Variants in PAH observed in about 807,000 individuals in gnomAD.
PAH encodes phenylalanine-4-hydroxylase.
PAH carries 64 observed loss-of-function variants against 62.0 expected under a neutral mutation model. The ratio of observed to expected loss-of-function variants is 1.03; its 90% CI spans 0.84 to 1.27. The LOEUF (loss-of-function observed/expected upper bound fraction) is 1.27, where lower values mean the gene tolerates loss of function less well. PAH is among the 50% of genes most tolerant of loss of function. The probability of loss-of-function intolerance (pLI) is 0.00; values close to 1 mark genes in which losing one functional copy is unlikely to be tolerated. For missense variants in PAH, 579 were observed against 542.8 expected (o/e 1.07, Z -0.66); for synonymous variants, 195 against 196.2 (o/e 0.99, Z 0.05).
At chr12:102,881,395 C>G (rs1876807712) in intron 3 of PAH, among the ~76,000 whole-genome samples, 1 of 151,984 alleles carries the variant, frequency 6.6e-6, no homozygotes, top group South Asian at 2.1e-4. Flanking sequence ...ATGCATACAT[C>G]ATGGTTACCA....
chr12:102,844,279 A>G, intron 10 of PAH, 57 bp downstream of exon 10: 1 of 1,207,524 alleles, frequency 8.3e-7, no homozygotes, highest in Non-Finnish European at 1.2e-6. Flanking sequence ...AAGCACAATA[A>G]TGGTTTTCTG....
At chr12:102,908,391 G>A (rs1207766440) in intron 2 of PAH, among the ~76,000 whole-genome samples, 1 of 152,146 alleles carries the variant, frequency 6.6e-6, no homozygotes, top group Non-Finnish European at 1.5e-5. Context: ...ACCTCTCAAG[G>A]AGAAAATGCT....
chr12:102,932,320 C>T (rs547110060), intron 1 of PAH, among the ~76,000 whole-genome samples: 48 of 152,156 alleles, frequency 3.2e-4, no homozygotes, highest in Non-Finnish European at 5.7e-4. Flanking sequence ...AAGTTAACAA[C>T]CATGATTATG....
chr12:102,913,235 A>G (rs1878270376), intron 1 of PAH, among the ~76,000 whole-genome samples: 1 of 152,212 alleles, frequency 6.6e-6, no homozygotes, highest in African/African-American at 2.4e-5. Flanking sequence ...TTAAAGATGA[A>G]TAAGACAATG....
At chr12:102,953,855 A>T (rs1307219275), upstream of PAH, 1 of 152,288 alleles carries the variant, frequency 6.6e-6, no homozygotes, top group African/African-American at 2.4e-5. Flanking sequence ...GGAAAAAGTG[A>T]AAAGGCAATC....
At chr12:102,879,077 G>A (rs780667930) in intron 3 of PAH, among the ~76,000 whole-genome samples, 6 of 152,060 alleles carry the variant, frequency 3.9e-5, no homozygotes, top group Non-Finnish European at 7.4e-5. Context: ...CTTAGAATCC[G>A]GGTTCCATCT....
At chr12:102,874,133 TA>T (rs776097475) in intron 4 of PAH, among the ~76,000 whole-genome samples, 2 of 152,184 alleles carry the variant, frequency 1.3e-5, no homozygotes, top group Non-Finnish European at 2.9e-5. Flanking sequence ...AGGAAGGCTT[TA>T]GGGAGGCAAC....
chr12:102,958,178 C>A, intron 1 of PAH: 2 of 1,276,704 alleles, frequency 1.6e-6, no homozygotes, highest in South Asian at 1.8e-5. Flanking sequence ...TCTGTGTCCC[C>A]CTCGCGGGCC....
chr12:102,958,346 G>T (rs931355471), exon 1 of PAH: 4 of 1,435,444 alleles, frequency 2.8e-6, no homozygotes, highest in Middle Eastern at 2.4e-4. Context: ...TCTTTGCCAC[G>T]GCCGCAGCCG....
At chr12:102,921,530 T>C (rs1878551851), upstream of PAH, among the ~76,000 whole-genome samples, 1 of 152,210 alleles carries the variant, frequency 6.6e-6, no homozygotes, top group South Asian at 2.1e-4. Context: ...AATTTTGAAA[T>C]AACAAGTCCA....
intron 5 of PAH, among the ~76,000 whole-genome samples, chr12:102,857,801 C>G (rs1312472919): frequency 6.6e-6 from 1 of 152,126 alleles, no homozygotes; most frequent in Non-Finnish European, 1.5e-5. Context: ...ACCATGCCTG[C>G]CCTACAAGAG....
chr12:102,895,037 T>G, intron 2 of PAH, 119 bp from the exon 3 acceptor site: 1 of 790,736 alleles, frequency 1.3e-6, no homozygotes, highest in Non-Finnish European at 2.1e-6. Flanking sequence ...AATACAATTA[T>G]TTTTATAAGA....
Position 102,838,879 on chromosome 12 carries a change from T to C in PAH, c.*296A>G. Reference sequence around the variant, plus strand: ...AAGCTTGAATGAAGCAGGTCCCAAATTTTAATTAATCTTGATGAAATGCGA... The same window carrying C: ...AAGCTTGAATGAAGCAGGTCCCAAACTTTAATTAATCTTGATGAAATGCGA... On this transcript the variant is annotated 3_prime_UTR_variant, in exon 13 of 13. Coordinates refer to ENST00000553106, the MANE Select transcript of PAH (RefSeq NM_000277.3). 2.2e-6 allele frequency: 1 copy of C among 445,840 alleles called. No individual in the cohort carries two copies. The highest frequency in any genetic ancestry group is 4.2e-5 in the East Asian group (1 of 23,770). 27.6% of individuals were successfully genotyped at this position (445,840 alleles called of 1,614,324 possible).
intron 5 of PAH, among the ~76,000 whole-genome samples, chr12:102,865,133 C>A (rs927408224): frequency 6.6e-6 from 1 of 152,080 alleles, no homozygotes; most frequent in African/African-American, 2.4e-5. Context: ...AGGTGATTCA[C>A]CAATTTCACT....
Position 102,943,521 on chromosome 12 carries a change from A to G in PAH, c.-96+7068T>C, listed in dbSNP as rs190816865. 4.2e-3 allele frequency among the ~76,000 whole-genome samples: 644 copies of G among 152,268 alleles called. 6 individuals carry two copies. The highest frequency in any genetic ancestry group is 8.5e-3 in the South Asian group (41 of 4,824). On this transcript the variant is annotated intron_variant, in intron 1 of 3. Transcript: ENST00000546844. ...TGGAAAGCTGTTTGGAGATCTCTCA[A>G]AGGACTTAAAACAGAACTACCATTC...
intron 2 of PAH, 29 bp downstream of exon 2, chr12:102,912,762 T>A (rs1471319019): frequency 7.0e-7 from 1 of 1,433,530 alleles, no homozygotes; most frequent in Non-Finnish European, 9.9e-7. Context: ...TACGACATTA[T>A]CCAAGACAAA....
intron 2 of PAH, among the ~76,000 whole-genome samples, chr12:102,910,672 G>A (rs1332045999): frequency 2.0e-5 from 3 of 152,102 alleles, no homozygotes; most frequent in African/African-American, 4.8e-5. Flanking sequence ...TCTTAATAAC[G>A]ACTTTTGAAT....
At chr12:102,896,251 G>A (rs756231224) in intron 2 of PAH, among the ~76,000 whole-genome samples, 6 of 152,260 alleles carry the variant, frequency 3.9e-5, no homozygotes, top group East Asian at 3.9e-4. Flanking sequence ...GGTGAAGGCC[G>A]GAAGGTGGCA....
At chr12:102,871,391 AC>A (rs1876309146) in intron 4 of PAH, among the ~76,000 whole-genome samples, 1 of 151,972 alleles carries the variant, frequency 6.6e-6, no homozygotes, top group African/African-American at 2.4e-5. Context: ...CACGTGTTCT[AC>A]CCTCTGAGTG....
Sources: allele counts gnomAD v4.1 joint callset (sites outside exome capture counted in the v4.1 genomes callset), GRCh38; gene constraint gnomAD v4.1.1; transcripts MANE v1.5; gene names NCBI Gene and HGNC (gene_info 2026-07-23, HGNC 2026-07-21).